Variants in TNIP1 observed in about 807,000 individuals in gnomAD.
The protein encoded by TNIP1 is TNFAIP3 interacting protein 1, also known as TNFAIP3-interacting protein 1.
TNIP1 carries 22 observed loss-of-function variants against 86.6 expected under a neutral mutation model. The ratio of observed to expected loss-of-function variants is 0.25; its 90% confidence interval spans 0.18 to 0.36. TNIP1 has a LOEUF of 0.36. TNIP1 is among the 10% of genes least tolerant of loss of function. TNIP1 has a pLI of 1.00. For missense variants in TNIP1, 709 were observed against 820.6 expected (o/e 0.86, Z 1.66); for synonymous variants, 294 against 313.0 (o/e 0.94, Z 0.64).
intron 5 of TNIP1, among the ~76,000 whole-genome samples, chr5:151,059,799 GAGAGA>G (rs1761169236): frequency 7.5e-5 from 8 of 106,682 alleles, no homozygotes; most frequent in African/African-American, 3.8e-4. Flanking sequence ...GAGAGAGAGA[GAGAGA>G]GAGAGAGAGA....
chr5:151,041,810 ATG>A, intron 11 of TNIP1, among the ~76,000 whole-genome samples: 1 of 152,328 alleles, frequency 6.6e-6, no homozygotes, highest in South Asian at 2.1e-4. Context: ...CTGAAGACAA[ATG>A]CCGGGATGAA....
At chr5:151,051,911 G>C (rs981364673) in intron 7 of TNIP1, among the ~76,000 whole-genome samples, 1 of 151,446 alleles carries the variant, frequency 6.6e-6, no homozygotes, top group African/African-American at 2.5e-5. Flanking sequence ...GCTGGAGGAG[G>C]AAGGAAGTAC....
intron 13 of TNIP1, among the ~76,000 whole-genome samples, chr5:151,036,504 T>C (rs1292201941): frequency 6.6e-6 from 1 of 152,204 alleles, no homozygotes; most frequent in Non-Finnish European, 1.5e-5. Flanking sequence ...GATATAAAGC[T>C]CCCTTTTAAA....
intron 7 of TNIP1, 78 bp downstream of exon 7, chr5:151,052,087 C>T: frequency 7.3e-7 from 1 of 1,378,296 alleles, no homozygotes; most frequent in Non-Finnish European, 1.0e-6. Context: ...GTCCTCAACC[C>T]AGAAATCAGT....
chr5:151,075,616 T>G (rs1763301019), intron 1 of TNIP1, among the ~76,000 whole-genome samples: 1 of 152,240 alleles, frequency 6.6e-6, no homozygotes. Flanking sequence ...TGTGTTAATG[T>G]GCTTAGGACA....
In TNIP1 at chr5:151,066,135, G is replaced by A. The variant is rs566121489; in HGVS notation, c.-36-1004C>T. 9.2e-5 allele frequency among the ~76,000 whole-genome samples: 14 copies of A among 152,326 alleles called. No individual in the cohort carries two copies. The East Asian group carries it at 2.7e-3, about 29-fold the overall frequency. On this transcript the variant is annotated intron_variant, in intron 1 of 17. Transcript: ENST00000521591. ...AGCTTATAGTCTAGGGGTGAAAGCA[G>A]AGGAGGATGGTGGGGAACACAATAT...
intron 16 of TNIP1, chr5:151,032,734 T>G: frequency 6.5e-6 from 2 of 307,344 alleles, no homozygotes; most frequent in Non-Finnish European, 1.2e-5. Flanking sequence ...GTTTCTGTAA[T>G]GGTCCAGGGG....
intron 1 of TNIP1, among the ~76,000 whole-genome samples, chr5:151,067,323 G>A (rs1272543107): frequency 2.0e-5 from 3 of 152,230 alleles, no homozygotes; most frequent in Non-Finnish European, 4.4e-5. Flanking sequence ...CTGTCCTCAC[G>A]AGGCTTGCCA....
chr5:151,033,821 G>C (rs1163956520), intron 15 of TNIP1, 22 bp from the exon 16 acceptor site: 2 of 1,375,042 alleles, frequency 1.5e-6, no homozygotes, highest in African/African-American at 1.5e-5. Flanking sequence ...GCTGACGTCT[G>C]GCTTTGGCCT....
chr5:151,058,970 A>G (rs1226090599), intron 5 of TNIP1, among the ~76,000 whole-genome samples: 1 of 152,220 alleles, frequency 6.6e-6, no homozygotes, highest in Non-Finnish European at 1.5e-5. Context: ...CCGCATTCTA[A>G]CAAGAGGAAA....
intron 1 of TNIP1, among the ~76,000 whole-genome samples, chr5:151,074,750 C>G (rs1302451920): frequency 6.6e-6 from 1 of 152,194 alleles, no homozygotes; most frequent in Non-Finnish European, 1.5e-5. Context: ...AAATACTATA[C>G]AGCAGTGAAA....
At chr5:151,051,038 G>T (rs906961535) in intron 7 of TNIP1, among the ~76,000 whole-genome samples, 1 of 152,108 alleles carries the variant, frequency 6.6e-6, no homozygotes, top group Non-Finnish European at 1.5e-5. Flanking sequence ...TAAGTAAAAT[G>T]ACTTTCCCAA....
chr5:151,080,713 T>A (rs1763923250), intron 1 of TNIP1, among the ~76,000 whole-genome samples, 167 bp downstream of exon 1: 1 of 152,102 alleles, frequency 6.6e-6, no homozygotes, highest in Non-Finnish European at 1.5e-5. Flanking sequence ...GAGTAGCGGC[T>A]CAGCCCGGCT....
In TNIP1 at chr5:151,049,062, C is replaced by T. The variant is rs139055578; in HGVS notation, c.846+762G>A. Among the ~76,000 whole-genome samples, 550 of 152,290 alleles carry T rather than the reference C, an allele frequency of 3.6e-3. 4 individuals carry two copies. Among genetic ancestry groups the T allele is most frequent in the African/African-American group, 0.012 (511 of 41,546 alleles). ...GTCCTGGGTAAACTCTACATTGTCACACAGTAATAAGGAATTAAGCCATTA... is the reference window on the plus strand; with the variant it reads ...GTCCTGGGTAAACTCTACATTGTCATACAGTAATAAGGAATTAAGCCATTA... On this transcript the variant is annotated intron_variant, in intron 8 of 17. Coordinates refer to ENST00000521591, the MANE Select transcript of TNIP1 (RefSeq NM_006058.5).
upstream of TNIP1, among the ~76,000 whole-genome samples, chr5:151,085,347 A>G (rs1179420985): frequency 6.6e-6 from 1 of 152,214 alleles, no homozygotes; most frequent in Non-Finnish European, 1.5e-5. Context: ...CATCAATTCT[A>G]TGAGGCAGCA....
intron 1 of TNIP1, among the ~76,000 whole-genome samples, chr5:151,074,298 A>C (rs2113804280): frequency 6.6e-6 from 1 of 152,288 alleles, no homozygotes; most frequent in South Asian, 2.1e-4. Flanking sequence ...CTGTAGTCCC[A>C]GCTACTCCAG....
intron 3 of TNIP1, among the ~76,000 whole-genome samples, chr5:151,062,529 A>T (rs1761713884): frequency 6.6e-6 from 1 of 152,168 alleles, no homozygotes; most frequent in Non-Finnish European, 1.5e-5. Context: ...GTCTTTATGT[A>T]TCTATTATCC....
At chr5:151,068,408 C>T (rs953674457) in intron 1 of TNIP1, among the ~76,000 whole-genome samples, 7 of 152,222 alleles carry the variant, frequency 4.6e-5, no homozygotes, top group African/African-American at 7.2e-5. Flanking sequence ...GGCAATGAGG[C>T]GAATCCTGCA....
intron 1 of TNIP1, among the ~76,000 whole-genome samples, chr5:151,073,349 C>G (rs1287097103): frequency 6.6e-6 from 1 of 152,008 alleles, no homozygotes; most frequent in Non-Finnish European, 1.5e-5. Context: ...TACACAGAAG[C>G]TGGACAAAAA....
Sources: allele counts gnomAD v4.1 joint callset (sites outside exome capture counted in the v4.1 genomes callset), GRCh38; gene constraint gnomAD v4.1.1; transcripts MANE v1.5; gene names NCBI Gene and HGNC (gene_info 2026-07-23, HGNC 2026-07-21).